The following PCDHB6 variants were observed in gnomAD, a reference collection of about 807,000 sequenced individuals.
The protein encoded by PCDHB6 is protocadherin beta 6.
For synonymous variants in PCDHB6, 506 were observed against 459.0 expected (o/e 1.10, Z -1.31); for missense variants, 1,137 against 1,010.1 (o/e 1.13, Z -1.70).
In PCDHB6 at chr5:141,150,703, A is replaced by G. The variant is rs781873674; in HGVS notation, c.446A>G (p.Lys149Arg). Residue 149 changes from lysine (K) to arginine (R), a missense_variant, in exon 1 of 1, where the codon AAG becomes AGG. Coordinates refer to ENST00000231136, the MANE Select transcript of PCDHB6 (RefSeq NM_018939.4). Reference sequence around the variant, plus strand: ...ATATCAGAAATTACTATGCCAGGAAAGATATTTCCTTTGAAAATGGCACAC... The same window carrying G: ...ATATCAGAAATTACTATGCCAGGAAGGATATTTCCTTTGAAAATGGCACAC... The part of the protein sequence containing the change: ...LKISEITMPG[K>R]IFPLKMAHDL... 1.9e-6 allele frequency: 3 copies of G among 1,614,258 alleles called. No individual in the cohort carries two copies. Among genetic ancestry groups the G allele is most frequent in the Non-Finnish European group, 2.5e-6 (3 of 1,180,042 alleles).
At position 141,150,179 on chromosome 5, in the gene PCDHB6, G is replaced by T; in HGVS notation, c.-79G>T. ...GAACGAATTTAAAAATCTCTGCAAA[G>T]ACATCCGAGAGGGTCGACGGTAGAT... is the stretch of plus-strand genomic sequence containing the variant. On this transcript the variant is annotated 5_prime_UTR_variant, in exon 1 of 1. Transcript: ENST00000231136. The T allele has an allele frequency of 9.0e-7, 1 of 1,115,584 alleles. No individual in the cohort carries two copies. 69.1% of individuals were successfully genotyped at this position (1,115,584 alleles called of 1,614,324 possible).
At position 141,150,240 on chromosome 5, in the gene PCDHB6, T is replaced by C; in HGVS notation, c.-18T>C. 6.3e-7 allele frequency: 1 copy of C among 1,577,004 alleles called. No homozygotes were observed. The highest frequency in any genetic ancestry group is 8.7e-7 in the Non-Finnish European group (1 of 1,154,406). On this transcript the variant is annotated 5_prime_UTR_variant, in exon 1 of 1. Coordinates refer to ENST00000231136, the MANE Select transcript of PCDHB6 (RefSeq NM_018939.4). ...GGAGCTGAAAAGGATTTTTCTTCCG[T>C]ATTCAGACATAATAGACATGATGCA... is the stretch of plus-strand genomic sequence containing the variant.
chr5:141,150,617 G>T lies in PCDHB6; in HGVS notation c.360G>T (p.Leu120Phe), dbSNP rs116564263. 3.8e-4 allele frequency: 609 copies of T among 1,614,142 alleles called. 4 individuals carry two copies. In the African/African-American group the frequency reaches 7.4e-3, roughly 20 times the overall value. The change falls in exon 1 of 1, where the codon TTG (leucine) becomes TTT (phenylalanine). Residue 120 changes from leucine to phenylalanine, a missense_variant. Physicochemically the swap from Leu to Phe is conservative, Grantham distance 22. Transcript: ENST00000231136. ...ENPLQFFQAS[L>F]RVRDINDHAP... is the part of the protein sequence containing the mutation. ...CCTTGCAGTTTTTTCAGGCTTCCTT[G>T]CGAGTCAGAGATATAAATGACCACG...
At position 141,152,281 on chromosome 5, in the gene PCDHB6, C is replaced by A; in HGVS notation, c.2024C>A (p.Ala675Asp). 6 of 1,608,204 alleles carry A rather than the reference C, an allele frequency of 3.7e-6. No homozygotes were observed. The highest frequency in any genetic ancestry group is 5.1e-6 in the Non-Finnish European group (6 of 1,179,798). The change falls in exon 1 of 1, where the codon GCC becomes GAC. Residue 675 changes from alanine (A) to aspartate (D), a missense_variant. By Grantham distance (126) the Ala-to-Asp change is moderately radical. Transcript: ENST00000231136. ...CCCTACCTGCCTCTCCCTGAGGCGG[C>A]CCCGGCCCAAGCCCAGGCCGACTCT... ...SQPYLPLPEAAPAQAQADSLT... is the reference protein window; with the variant it reads ...SQPYLPLPEADPAQAQADSLT...
Position 141,150,175 on chromosome 5 carries a change from CA to C in PCDHB6, c.-80del. The C allele has an allele frequency of 9.2e-7, 1 of 1,091,226 alleles. No individual in the cohort carries two copies. Among genetic ancestry groups the C allele is most frequent in the Non-Finnish European group, 1.3e-6 (1 of 754,736 alleles). The allele number at this position is 1,091,226 out of a possible 1,614,324, so 67.6% of individuals were successfully genotyped here. ...GTAAGAACGAATTTAAAAATCTCTG[CA>C]AAGACATCCGAGAGGGTCGACGGTA... is the stretch of plus-strand genomic sequence containing the variant. On this transcript the variant is annotated 5_prime_UTR_variant, in exon 1 of 1. Coordinates refer to ENST00000231136, the MANE Select transcript of PCDHB6 (RefSeq NM_018939.4).
Position 141,152,306 on chromosome 5 carries a change from T to G in PCDHB6, c.2049T>G (p.Ser683=), listed in dbSNP as rs781785825. The stretch of plus-strand genomic sequence containing the variant: ...CCCCGGCCCAAGCCCAGGCCGACTC[T>G]CTCACCGTCTACCTGGTGGTGGCGT... ...EAAPAQAQAD[S]LTVYLVVALA... The change falls in exon 1 of 1, where the codon TCT becomes TCG. Residue 683 remains serine (S), a synonymous_variant. Coordinates refer to ENST00000231136, the MANE Select transcript of PCDHB6 (RefSeq NM_018939.4). 33 of 1,608,702 alleles carry G rather than the reference T, an allele frequency of 2.1e-5. No homozygotes were observed. The highest frequency in any genetic ancestry group is 2.2e-5 in the Non-Finnish European group (26 of 1,179,804).
In PCDHB6 at chr5:141,151,640, C is replaced by A; in HGVS notation, c.1383C>A (p.Asn461Lys). Residue 461 changes from asparagine to lysine, a missense_variant, in exon 1 of 1, where the codon AAC becomes AAA. By Grantham distance (94) the Asn-to-Lys change is moderately conservative. Transcript: ENST00000231136. Reference sequence around the variant, plus strand: ...CCTACACCCTGTTCGTCCGCGAGAACAACAGCCCCGCCCTGCACATCGGCA... The same window carrying A: ...CCTACACCCTGTTCGTCCGCGAGAAAAACAGCCCCGCCCTGCACATCGGCA... ...QTSYTLFVRE[N>K]NSPALHIGSV... The A allele has an allele frequency of 1.2e-6, 2 of 1,613,588 alleles. No individual in the cohort carries two copies. The highest frequency in any genetic ancestry group is 1.7e-6 in the Non-Finnish European group (2 of 1,180,044).
rs1554277795 is a variant in PCDHB6 at position 141,151,738 on chromosome 5, C to G, written c.1481C>G (p.Pro494Arg). The change falls in exon 1 of 1, where the codon CCG becomes CGG. Residue 494 changes from proline to arginine, a missense_variant. By Grantham distance (103) the Pro-to-Arg change is moderately radical. Coordinates refer to ENST00000231136, the MANE Select transcript of PCDHB6 (RefSeq NM_018939.4). ...VTYSLLPPQD[P>R]HLPLSSLVSI... ...TACTCGCTGCTGCCGCCCCAGGACC[C>G]GCACCTGCCCCTCTCTTCCCTGGTC... 5 of 1,613,270 alleles carry G rather than the reference C, an allele frequency of 3.1e-6. No individual in the cohort carries two copies. Among genetic ancestry groups the G allele is most frequent in the Non-Finnish European group, 4.2e-6 (5 of 1,180,050 alleles).
Position 141,151,628 on chromosome 5 carries a change from C to A in PCDHB6, c.1371C>A (p.Phe457Leu), listed in dbSNP as rs782069574. 6 of 1,613,564 alleles carry A rather than the reference C, an allele frequency of 3.7e-6. No individual in the cohort carries two copies. Among genetic ancestry groups the A allele is most frequent in the Non-Finnish European group, 3.4e-6 (4 of 1,180,048 alleles). ...PAFTQTSYTLFVRENNSPALH... is the reference protein window; with the variant it reads ...PAFTQTSYTLLVRENNSPALH... The stretch of plus-strand genomic sequence containing the variant: ...TCACCCAAACCTCCTACACCCTGTT[C>A]GTCCGCGAGAACAACAGCCCCGCCC... The change falls in exon 1 of 1, where the codon TTC becomes TTA. Residue 457 changes from phenylalanine (F) to leucine (L), a missense_variant. Transcript: ENST00000231136.
In PCDHB6 at chr5:141,151,922, C is replaced by T; in HGVS notation, c.1665C>T (p.Asn555=). 6.2e-7 allele frequency: 1 copy of T among 1,611,660 alleles called. No individual in the cohort carries two copies. The highest frequency in any genetic ancestry group is 8.5e-7 in the Non-Finnish European group (1 of 1,179,762). ...VRLLVLDAND[N]SPFVLYPLQN... ...TGCTGGTGCTGGACGCCAACGACAA[C>T]TCGCCCTTCGTGTTGTACCCGCTGC... Residue 555 remains asparagine (N), a synonymous_variant, in exon 1 of 1, where the codon AAC becomes AAT. Coordinates refer to ENST00000231136, the MANE Select transcript of PCDHB6 (RefSeq NM_018939.4).
rs1554277375 is a variant in PCDHB6, at chr5:141,150,289, G to C, written c.32G>C (p.Arg11Thr). 1 of 1,613,540 alleles carries C rather than the reference G, an allele frequency of 6.2e-7. No individual in the cohort carries two copies. The highest frequency in any genetic ancestry group is 8.5e-7 in the Non-Finnish European group (1 of 1,179,548). ...CAAACTAAAGTACAGAACAAGAAAA[G>C]GCAAGTGGCTTTCTTCATTTTATTG... is the stretch of plus-strand genomic sequence containing the variant. MMQTKVQNKK[R>T]QVAFFILLML... is the part of the protein sequence containing the mutation. Residue 11 changes from arginine (R) to threonine (T), a missense_variant, in exon 1 of 1, where the codon AGG becomes ACG. Transcript: ENST00000231136.
In PCDHB6 at chr5:141,150,249, A is replaced by G. The variant is rs782413018; in HGVS notation, c.-9A>G. 10 of 1,596,236 alleles carry G rather than the reference A, an allele frequency of 6.3e-6. No individual in the cohort carries two copies. Among genetic ancestry groups the G allele is most frequent in the Non-Finnish European group, 8.6e-6 (10 of 1,167,878 alleles). Reference sequence around the variant, plus strand: ...AAGGATTTTTCTTCCGTATTCAGACATAATAGACATGATGCAAACTAAAGT... The same window carrying G: ...AAGGATTTTTCTTCCGTATTCAGACGTAATAGACATGATGCAAACTAAAGT... On this transcript the variant is annotated 5_prime_UTR_variant, in exon 1 of 1. Coordinates refer to ENST00000231136, the MANE Select transcript of PCDHB6 (RefSeq NM_018939.4).
Position 141,152,897 on chromosome 5 carries a change from T to TCCC in PCDHB6, c.*262_*264dup, listed in dbSNP as rs33915713. 3.8e-3 allele frequency: 808 copies of TCCC among 215,186 alleles called. 2 individuals carry two copies. Among genetic ancestry groups the TCCC allele is most frequent in the African/African-American group, 6.5e-3 (262 of 40,058 alleles). 13.3% of individuals were successfully genotyped at this position (215,186 alleles called of 1,614,324 possible). A position where few individuals can be genotyped will look rare whatever the true frequency, so the allele number is the denominator to read the frequency against. On this transcript the variant is annotated 3_prime_UTR_variant, in exon 1 of 1. Transcript: ENST00000231136. Reference sequence around the variant, plus strand: ...CTTTTGAAATTAAATTATCTATTCTTCCCCCCCCCAAAAAAAAGTATTGTA... The same window carrying TCCC: ...CTTTTGAAATTAAATTATCTATTCTTCCCCCCCCCCCCAAAAAAAAGTATTGTA...
In PCDHB6 at chr5:141,150,793, T is replaced by C. The variant is rs1554277512; in HGVS notation, c.536T>C (p.Val179Ala). 6.2e-7 allele frequency: 1 copy of C among 1,614,000 alleles called. No individual in the cohort carries two copies. Residue 179 changes from valine to alanine, a missense_variant, in exon 1 of 1, where the codon GTT becomes GCT. Val to Ala is a moderately conservative substitution (Grantham distance 64). Transcript: ENST00000231136. Reference sequence around the variant, plus strand: ...ATCAGCTCCAACCCTCACTTCCACGTTCTCACCCGCAATCGCAGCGAAGGC... The same window carrying C: ...ATCAGCTCCAACCCTCACTTCCACGCTCTCACCCGCAATCGCAGCGAAGGC... ...YTISSNPHFH[V>A]LTRNRSEGRK...
rs3776096 is a variant in PCDHB6 at position 141,150,948 on chromosome 5, G to A, written c.691G>A (p.Val231Ile). 0.24 allele frequency: 386,346 copies of A among 1,613,852 alleles called. 51,001 individuals carry two copies. Among genetic ancestry groups the A allele is most frequent in the East Asian group, 0.53 (23,861 of 44,826 alleles). ...RSGTSEIQIQVLDINDNVPEF... is the reference protein window; with the variant it reads ...RSGTSEIQIQILDINDNVPEF... ...AGGGACCTCCGAGATTCAGATCCAG[G>A]TTTTGGACATCAATGACAACGTCCC... Residue 231 changes from valine (V) to isoleucine (I), a missense_variant, in exon 1 of 1, where the codon GTT (valine) becomes ATT (isoleucine). By Grantham distance (29) the Val-to-Ile change is conservative (BLOSUM62 3). Coordinates refer to ENST00000231136, the MANE Select transcript of PCDHB6 (RefSeq NM_018939.4).
Position 141,150,944 on chromosome 5 carries a change from C to T in PCDHB6, c.687C>T (p.Ile229=). ...PPRSGTSEIQ[I]QVLDINDNVP... ...GGTCAGGGACCTCCGAGATTCAGAT[C>T]CAGGTTTTGGACATCAATGACAACG... is the stretch of plus-strand genomic sequence containing the variant. Residue 229 remains isoleucine (I), a synonymous_variant, in exon 1 of 1, where the codon ATC becomes ATT. Transcript: ENST00000231136. 6.2e-7 allele frequency: 1 copy of T among 1,614,148 alleles called. No homozygotes were observed. The highest frequency in any genetic ancestry group is 8.5e-7 in the Non-Finnish European group (1 of 1,180,030).
rs1451527335 is a variant in PCDHB6 at position 141,153,094 on chromosome 5, C to T, written c.*452C>T. ...AATAAGAACTAATGATGGCTAAACA[C>T]TAAAGTAGCCATTCATACTTATGCA... On this transcript the variant is annotated 3_prime_UTR_variant, in exon 1 of 1. Transcript: ENST00000231136. 6.0e-6 allele frequency: 1 copy of T among 167,396 alleles called. No individual in the cohort carries two copies. The highest frequency in any genetic ancestry group is 1.5e-5 in the Non-Finnish European group (1 of 68,512). The allele number at this position is 167,396 out of a possible 1,614,324, so 10.4% of individuals were successfully genotyped here. A position where few individuals can be genotyped will look rare whatever the true frequency, so the allele number is the denominator to read the frequency against.
At position 141,153,168 on chromosome 5, in the gene PCDHB6, C is replaced by G. The variant is rs912001744; in HGVS notation, c.*526C>G. The G allele has an allele frequency of 4.8e-5, 8 of 166,796 alleles. No homozygotes were observed. Among genetic ancestry groups the G allele is most frequent in the African/African-American group, 1.5e-4 (6 of 41,286 alleles). 10.3% of individuals were successfully genotyped at this position (166,796 alleles called of 1,614,324 possible). Reference sequence around the variant, plus strand: ...AATCCAAAATTTTTGTGACTATAGACTTTACTGAAGTGTCAACACATTAGT... The same window carrying G: ...AATCCAAAATTTTTGTGACTATAGAGTTTACTGAAGTGTCAACACATTAGT... On this transcript the variant is annotated 3_prime_UTR_variant, in exon 1 of 1. Transcript: ENST00000231136.
chr5:141,151,121 A>C lies in PCDHB6; in HGVS notation c.864A>C (p.Gln288His). The C allele has an allele frequency of 6.2e-7, 1 of 1,614,214 alleles. No homozygotes were observed. The highest frequency in any genetic ancestry group is 8.5e-7 in the Non-Finnish European group (1 of 1,180,040). The change falls in exon 1 of 1, where the codon CAA becomes CAC. Residue 288 changes from glutamine (Q) to histidine (H), a missense_variant. By Grantham distance (24) the Gln-to-His change is conservative (BLOSUM62 0). Coordinates refer to ENST00000231136, the MANE Select transcript of PCDHB6 (RefSeq NM_018939.4). ...YALFQVDDVNQPFEINAITGE... is the reference protein window; with the variant it reads ...YALFQVDDVNHPFEINAITGE... The stretch of plus-strand genomic sequence containing the variant: ...TGTTTCAAGTCGATGACGTCAACCA[A>C]CCCTTCGAAATAAACGCAATCACAG...
Sources: gnomAD v4.1 joint callset for allele counts on GRCh38, gnomAD v4.1.1 for gene constraint, MANE v1.5 for transcripts, NCBI Gene and HGNC (gene_info 2026-07-23, HGNC 2026-07-21) for gene names.